MECOM: variants seen among roughly 807,000 people sequenced by gnomAD.
The protein encoded by MECOM is MDS1 and EVI1 complex locus, also known as histone-lysine N-methyltransferase MECOM.
In MECOM, 13 loss-of-function variants were observed where a neutral mutation model predicts 116.3. The observed-to-expected ratio is 0.11, with a 90% CI of 0.07 to 0.18. The LOEUF is 0.18. MECOM is among the 10% of genes least tolerant of loss of function. The pLI, the probability that MECOM is intolerant of heterozygous loss-of-function variation, is 1.00. For synonymous variants in MECOM, 528 were observed against 535.2 expected (o/e 0.99, Z 0.19); for missense variants, 1,299 against 1,509.0 (o/e 0.86, Z 2.31).
rs534607476 is a variant in MECOM at position 169,287,456 on chromosome 3, G to A, written c.375+93731C>T. 2.0e-5 allele frequency among the ~76,000 whole-genome samples: 3 copies of A among 152,166 alleles called. No homozygotes were observed. The South Asian group carries it at 6.2e-4, about 32-fold the overall frequency. On this transcript the variant is annotated intron_variant, in intron 2 of 16. Coordinates refer to ENST00000651503, the MANE Select transcript of MECOM (RefSeq NM_004991.4). ...CTTATTTTATATTTGAATTCAAAGT[G>A]ACTTTCTGTATCATTCAACTAAAAT...
intron 2 of MECOM, among the ~76,000 whole-genome samples, chr3:169,308,415 A>G (rs1718105844): frequency 6.6e-6 from 1 of 152,238 alleles, no homozygotes; most frequent in Non-Finnish European, 1.5e-5. Context: ...CAAAAAAGTG[A>G]GAAGGTAATG....
At position 169,242,031 on chromosome 3, in the gene MECOM, A is replaced by G. The variant is rs972529055; in HGVS notation, c.376-98199T>C. On this transcript the variant is annotated intron_variant, in intron 2 of 16. Coordinates refer to ENST00000651503, the MANE Select transcript of MECOM (RefSeq NM_004991.4). Reference sequence around the variant, plus strand: ...GCATTCAGGAAATTCCATCTATCTGATGATCTGTCGGCTAACTGAGCAGTG... The same window carrying G: ...GCATTCAGGAAATTCCATCTATCTGGTGATCTGTCGGCTAACTGAGCAGTG... Among the ~76,000 whole-genome samples, 23 of 152,178 alleles carry G rather than the reference A, an allele frequency of 1.5e-4. 1 individual carries two copies. Among genetic ancestry groups the G allele is most frequent in the Admixed American group, 6.5e-5 (1 of 15,272 alleles).
intron 2 of MECOM, chr3:169,269,223 C>A (rs1758656846): frequency 6.6e-6 from 1 of 152,094 alleles, no homozygotes; most frequent in Non-Finnish European, 1.5e-5. Context: ...GGCATGGAGA[C>A]TTTTTTGAAT....
intron 1 of MECOM, among the ~76,000 whole-genome samples, chr3:169,391,189 G>A (rs936050331): frequency 6.6e-6 from 1 of 152,144 alleles, no homozygotes; most frequent in Admixed American, 6.6e-5. Flanking sequence ...CCACACTCTT[G>A]GTTTGATAAG....
chr3:169,086,949 A>T (rs578154905), intron 16 of MECOM, among the ~76,000 whole-genome samples: 8 of 152,348 alleles, frequency 5.3e-5, no homozygotes, highest in African/African-American at 1.9e-4. Context: ...AGTGCCCAGC[A>T]TATAGCTGGT....
At chr3:169,472,657 A>AGAAAG (rs1323585479) in intron 1 of MECOM, among the ~76,000 whole-genome samples, 6 of 55,924 alleles carry the variant, frequency 1.1e-4, no homozygotes, top group Admixed American at 4.9e-4. Context: ...GGAAAAGAAA[A>AGAAAG]GAAAGGAAAG....
intron 1 of MECOM, among the ~76,000 whole-genome samples, chr3:169,586,908 G>A (rs1241347270): frequency 1.3e-5 from 2 of 152,312 alleles, no homozygotes; most frequent in African/African-American, 4.8e-5. Flanking sequence ...TGGCATATCT[G>A]TAGTAATCGT....
intron 2 of MECOM, among the ~76,000 whole-genome samples, chr3:169,201,666 G>C (rs1451469001): frequency 6.6e-6 from 1 of 151,944 alleles, no homozygotes; most frequent in Non-Finnish European, 1.5e-5. Flanking sequence ...AAATCATGTT[G>C]GCTATATTTA....
In MECOM at chr3:169,382,862, AAATAAAAAAAAT is replaced by A. The variant is rs1432218030; in HGVS notation, c.38-1350_38-1339del. ...GAAAGCCCATCTCAAAAAAAAAAAA[AAATAAAAAAAAT>A]AAAAAAAGAAGGTAAAATGGGTTGC... On this transcript the variant is annotated intron_variant, in intron 1 of 16. Transcript: ENST00000651503. Among the ~76,000 whole-genome samples the A allele has an allele frequency of 1.5e-4, 13 of 85,274 alleles. 2 individuals are homozygous for A. Among genetic ancestry groups the A allele is most frequent in the African/African-American group, 5.0e-4 (11 of 22,218 alleles). 55.9% of individuals were successfully genotyped at this position (85,274 alleles called of 152,430 possible).
chr3:169,160,766 C>A (rs577844281), intron 2 of MECOM, among the ~76,000 whole-genome samples: 2 of 151,932 alleles, frequency 1.3e-5, no homozygotes, highest in African/African-American at 2.4e-5. Flanking sequence ...GCATTATATG[C>A]CTGGATCAAA....
chr3:169,116,393 A>C lies in MECOM; in HGVS notation c.1479T>G (p.Gly493=). 2 of 1,614,214 alleles carry C rather than the reference A, an allele frequency of 1.2e-6. No homozygotes were observed. The highest frequency in any genetic ancestry group is 1.7e-6 in the Non-Finnish European group (2 of 1,180,036). Reference sequence around the variant, plus strand: ...TGTGGTACAAGCCGGAAGGAAACAGACCAGGGAAGCTAAAAGAAAATCCAG... The same window carrying C: ...TGTGGTACAAGCCGGAAGGAAACAGCCCAGGGAAGCTAAAAGAAAATCCAG... ...TAPGFSFSFP[G]LFPSGLYHRP... Residue 493 remains glycine (G), a synonymous_variant, in exon 8 of 17, where the codon GGT becomes GGG. Coordinates refer to ENST00000651503, the MANE Select transcript of MECOM (RefSeq NM_004991.4).
intron 1 of MECOM, among the ~76,000 whole-genome samples, chr3:169,452,349 A>C (rs1366595103): frequency 6.6e-6 from 1 of 152,232 alleles, no homozygotes; most frequent in East Asian, 1.9e-4. Context: ...TTTAAAAATT[A>C]AATAAGTTAA....
chr3:169,580,755 T>A (rs1331149674), intron 1 of MECOM, among the ~76,000 whole-genome samples: 2 of 152,178 alleles, frequency 1.3e-5, no homozygotes, highest in Admixed American at 1.3e-4. Context: ...GACTTGTAAA[T>A]TTAAGAGCAG....
rs1367605578 is a variant in MECOM, at chr3:169,084,206, C to G, written c.*703G>C. The G allele has an allele frequency of 4.3e-6, 1 of 231,760 alleles. No individual in the cohort carries two copies. Among genetic ancestry groups the G allele is most frequent in the African/African-American group, 2.2e-5 (1 of 45,292 alleles). 14.4% of individuals were successfully genotyped at this position (231,760 alleles called of 1,614,324 possible). On this transcript the variant is annotated 3_prime_UTR_variant, in exon 17 of 17. Coordinates refer to ENST00000651503, the MANE Select transcript of MECOM (RefSeq NM_004991.4). The stretch of plus-strand genomic sequence containing the variant: ...TTAAGATGTTATTACAAGGATTTGG[C>G]AAACAATTTATTAGTGGTACAGCGG...
At chr3:169,096,678 G>C (rs1399502606) in intron 12 of MECOM, among the ~76,000 whole-genome samples, 2 of 152,178 alleles carry the variant, frequency 1.3e-5, no homozygotes, top group African/African-American at 4.8e-5. Flanking sequence ...TGCAGAGTCA[G>C]TGGTTCAAGT....
chr3:169,381,846 G>A (rs1732441255), intron 1 of MECOM, among the ~76,000 whole-genome samples: 1 of 152,182 alleles, frequency 6.6e-6, no homozygotes, highest in African/African-American at 2.4e-5. Context: ...CAGACAAGAA[G>A]TTAAACATGT....
Position 169,460,381 on chromosome 3 carries a change from G to A in MECOM, c.38-78857C>T, listed in dbSNP as rs1032391297. ...CTAACTTACAGAACATTTCAGAACA[G>A]ACCTATTTTTTGTCTAAACAATAGA... is the stretch of plus-strand genomic sequence containing the variant. On this transcript the variant is annotated intron_variant, in intron 1 of 16. Transcript: ENST00000651503. Among the ~76,000 whole-genome samples the A allele has an allele frequency of 2.0e-5, 3 of 152,030 alleles. No individual in the cohort carries two copies. The South Asian group carries it at 6.2e-4, about 32-fold the overall frequency.
rs1268391754 is a variant in MECOM, at chr3:169,121,213, C to T, written c.979-4G>A. 6.2e-7 allele frequency: 1 copy of T among 1,607,924 alleles called. No homozygotes were observed. The highest frequency in any genetic ancestry group is 2.2e-5 in the East Asian group (1 of 44,768). Reference sequence around the variant, plus strand: ...GGTTGCTAGGGTCCGTGAAAACCTGCTAGGAAATGAGTACTGATTAATCAA... The same window carrying T: ...GGTTGCTAGGGTCCGTGAAAACCTGTTAGGAAATGAGTACTGATTAATCAA... On this transcript the variant is annotated splice_region_variant and splice_polypyrimidine_tract_variant and intron_variant, in intron 6 of 16. Coordinates refer to ENST00000651503, the MANE Select transcript of MECOM (RefSeq NM_004991.4).
intron 2 of MECOM, among the ~76,000 whole-genome samples, chr3:169,284,346 A>G (rs1712813341): frequency 6.6e-6 from 1 of 152,138 alleles, no homozygotes; most frequent in African/African-American, 2.4e-5. Flanking sequence ...TGAGATTAGG[A>G]TCCCTGATCA....
Sources: gnomAD v4.1 joint callset for allele counts (sites outside exome capture counted in the v4.1 genomes callset) on GRCh38, gnomAD v4.1.1 for gene constraint, MANE v1.5 for transcripts, NCBI Gene and HGNC (gene_info 2026-07-23, HGNC 2026-07-21) for gene names.